Variants in CLEC16A observed in about 807,000 individuals in gnomAD.
CLEC16A encodes the protein C-type lectin domain containing 16A.
In CLEC16A, 51 loss-of-function variants were observed where a neutral mutation model predicts 109.5. The ratio of observed to expected loss-of-function variants is 0.47; its 90% CI spans 0.37 to 0.59. The LOEUF (loss-of-function observed/expected upper bound fraction) is 0.59, where lower values mean the gene tolerates loss of function less well. Among genes scored for constraint, CLEC16A ranks in the 20% least tolerant of loss-of-function variants. The probability of loss-of-function intolerance (pLI) is 0.00; values close to 1 mark genes in which losing one functional copy is unlikely to be tolerated. For synonymous variants in CLEC16A, 673 were observed against 564.2 expected (o/e 1.19, Z -2.73); for missense variants, 1,339 against 1,394.0 (o/e 0.96, Z 0.63).
At chr16:10,988,217 T>C (rs1387589370) in intron 10 of CLEC16A, among the ~76,000 whole-genome samples, 4 of 152,254 alleles carry the variant, frequency 2.6e-5, no homozygotes, top group African/African-American at 4.8e-5. Context: ...TAGGTACTTT[T>C]TTTAAAGGAC....
At chr16:11,022,345 T>TC (rs1353928432) in intron 12 of CLEC16A, among the ~76,000 whole-genome samples, 2 of 144,728 alleles carry the variant, frequency 1.4e-5, no homozygotes, top group Admixed American at 6.8e-5. Flanking sequence ...ACCTTTTTTT[T>TC]TTTTTTTTTT....
At chr16:11,107,698 C>T (rs777263641) in intron 19 of CLEC16A, among the ~76,000 whole-genome samples, 2 of 152,202 alleles carry the variant, frequency 1.3e-5, no homozygotes, top group Non-Finnish European at 2.9e-5. Flanking sequence ...GGGCCCAGTT[C>T]CTTGTCACTC....
chr16:11,051,369 CTTCAAT>C, intron 17 of CLEC16A, 138 bp from the exon 18 acceptor site: 1 of 876,054 alleles, frequency 1.1e-6, no homozygotes, highest in Non-Finnish European at 1.8e-6. Context: ...CTGTGCTTTA[CTTCAAT>C]CTAAATCCAG....
chr16:11,154,637 G>A (rs112915160), intron 22 of CLEC16A, among the ~76,000 whole-genome samples: 3,888 of 152,242 alleles, frequency 0.026, 185 homozygotes, highest in African/African-American at 0.089. Context: ...GAAAATGAAA[G>A]TCCCAGGACA....
chr16:11,136,376 C>T (rs1459726584), intron 22 of CLEC16A: 1 of 152,200 alleles, frequency 6.6e-6, no homozygotes, highest in Non-Finnish European at 1.5e-5. Flanking sequence ...GCTCTTGTGA[C>T]ATAAAATGAG....
intron 11 of CLEC16A, among the ~76,000 whole-genome samples, chr16:11,010,021 T>C (rs1401663712): frequency 6.6e-6 from 1 of 152,000 alleles, no homozygotes; most frequent in East Asian, 1.9e-4. Context: ...GTCACAGCGG[T>C]GTGTGCCTGT....
At chr16:11,072,288 T>G (rs939001167) in intron 19 of CLEC16A, among the ~76,000 whole-genome samples, 2 of 151,824 alleles carry the variant, frequency 1.3e-5, no homozygotes, top group Non-Finnish European at 2.9e-5. Context: ...CCTGCCTATT[T>G]TTTTATTTTT....
chr16:10,979,451 A>G (rs1309999922), intron 9 of CLEC16A, 69 bp downstream of exon 9: 4 of 1,402,472 alleles, frequency 2.9e-6, no homozygotes, highest in Non-Finnish European at 4.0e-6. Flanking sequence ...GCCTTGAAGA[A>G]AATCCCCAGG....
At chr16:11,053,629 T>G (rs1321456461) in intron 18 of CLEC16A, among the ~76,000 whole-genome samples, 3 of 152,118 alleles carry the variant, frequency 2.0e-5, no homozygotes, top group Non-Finnish European at 4.4e-5. Context: ...CCTCGGCCTC[T>G]CAAAGTGCTA....
intron 19 of CLEC16A, among the ~76,000 whole-genome samples, chr16:11,061,341 G>A (rs865982848): frequency 5.3e-5 from 8 of 152,150 alleles, no homozygotes; most frequent in African/African-American, 7.2e-5. Flanking sequence ...TAGTGGCATC[G>A]GTTTGGTTGG....
At chr16:10,976,398 A>G (rs1215514116) in intron 7 of CLEC16A, among the ~76,000 whole-genome samples, 1 of 151,224 alleles carries the variant, frequency 6.6e-6, no homozygotes, top group African/African-American at 2.4e-5. Flanking sequence ...TGACATCTAT[A>G]TTTTAGATGT....
At chr16:11,134,157 A>T (rs1386302553) in intron 22 of CLEC16A, among the ~76,000 whole-genome samples, 7 of 149,702 alleles carry the variant, frequency 4.7e-5, no homozygotes, top group Non-Finnish European at 8.9e-5. Flanking sequence ...TTTAATTCAT[A>T]GCTAATGTGA....
chr16:10,948,499 A>G (rs2041548495), intron 1 of CLEC16A, among the ~76,000 whole-genome samples: 1 of 152,156 alleles, frequency 6.6e-6, no homozygotes, highest in Non-Finnish European at 1.5e-5. Context: ...TTGACTGACA[A>G]ATGTCCACCA....
intron 13 of CLEC16A, chr16:11,027,642 C>T (rs925088253): frequency 3.4e-5 from 53 of 1,548,154 alleles, no homozygotes; most frequent in African/African-American, 5.4e-5. Context: ...ATGGTTCTTG[C>T]GCCCTTTCCA....
At chr16:11,018,259 G>C (rs1049880816) in intron 11 of CLEC16A, among the ~76,000 whole-genome samples, 38 of 151,116 alleles carry the variant, frequency 2.5e-4, no homozygotes, top group African/African-American at 8.8e-4. Flanking sequence ...CTCTAGGCTG[G>C]GTGTCAGAGC....
chr16:11,091,673 C>T (rs2050312957), intron 19 of CLEC16A, among the ~76,000 whole-genome samples: 1 of 152,144 alleles, frequency 6.6e-6, no homozygotes, highest in African/African-American at 2.4e-5. Flanking sequence ...TTAACCTGAG[C>T]CTCAGGTTTC....
At chr16:11,069,220 C>T (rs139211246) in intron 19 of CLEC16A, among the ~76,000 whole-genome samples, 14 of 152,226 alleles carry the variant, frequency 9.2e-5, no homozygotes, top group African/African-American at 3.1e-4. Context: ...CCCAACTTCC[C>T]AGGCTAGGGT....
Position 11,178,764 on chromosome 16 carries a change from C to G in CLEC16A, c.*74C>G. On this transcript the variant is annotated 3_prime_UTR_variant, in exon 24 of 24. Coordinates refer to ENST00000409790, the MANE Select transcript of CLEC16A (RefSeq NM_015226.3). This position sits in a 1 kb window ranked among gnomAD's most constrained non-coding sequence, Gnocchi z 6.5. ...CCCAGTGCCGCTGACTGGCAAGACA[C>G]ACTGGGAGCACCCACCATTCTGTGC... 8.6e-7 allele frequency: 1 copy of G among 1,161,244 alleles called. No individual in the cohort carries two copies. The highest frequency in any genetic ancestry group is 1.6e-5 in the South Asian group (1 of 62,084). 71.9% of individuals were successfully genotyped at this position (1,161,244 alleles called of 1,614,324 possible).
At chr16:11,069,987 G>C (rs1436877560) in intron 19 of CLEC16A, among the ~76,000 whole-genome samples, 1 of 152,150 alleles carries the variant, frequency 6.6e-6, no homozygotes, top group Admixed American at 6.5e-5. Flanking sequence ...TCTGGAACCA[G>C]TCCCCATGGA....
Sources: gnomAD v4.1 joint callset for allele counts (sites outside exome capture counted in the v4.1 genomes callset) on GRCh38, gnomAD v4.1.1 for gene constraint, Gnocchi (gnomAD v3.1) non-coding constraint, MANE v1.5 for transcripts, NCBI Gene and HGNC (gene_info 2026-07-23, HGNC 2026-07-21) for gene names.